KIAA2012: variants seen among roughly 807,000 people sequenced by gnomAD.
KIAA2012 encodes the protein uncharacterized protein KIAA2012.
KIAA2012 carries 125 observed loss-of-function variants against 150.6 expected under a neutral mutation model. The ratio of observed to expected loss-of-function variants is 0.83; its 90% confidence interval spans 0.72 to 0.96. The LOEUF (loss-of-function observed/expected upper bound fraction) is 0.96. KIAA2012 is among the 40% of genes least tolerant of loss of function. KIAA2012 has a pLI of 0.00. For missense variants in KIAA2012, 1,219 were observed against 1,354.9 expected (o/e 0.90, Z 1.57); for synonymous variants, 462 against 504.7 (o/e 0.92, Z 1.13).
At chr2:202,193,234 T>C in intron 19 of KIAA2012, 67 bp from the exon 20 acceptor site, 1 of 1,425,406 alleles carries the variant, frequency 7.0e-7, no homozygotes, top group Non-Finnish European at 9.6e-7. Context: ...CTGTCTGGGG[T>C]GGAGAAGGGC....
In KIAA2012 at chr2:202,121,670, G is replaced by A. The variant is rs80074913; in HGVS notation, c.1763-3544G>A. ...ACTGAAACACAGGGAGCTCACTTAC[G>A]TGGTAAGGGCAGAGCTGGGCTTCAT... On this transcript the variant is annotated intron_variant, in intron 11 of 23. Transcript: ENST00000498697. Among the ~76,000 whole-genome samples the A allele has an allele frequency of 1.0e-3, 158 of 152,292 alleles. 1 individual carries two copies. The highest frequency in any genetic ancestry group is 3.1e-3 in the African/African-American group (127 of 41,552).
rs1692426623 is a variant in KIAA2012 at position 202,196,942 on chromosome 2, G to A, written c.3330G>A (p.Glu1110=). The change falls in exon 22 of 24, where the codon GAG becomes GAA. Residue 1110 remains glutamate, a synonymous_variant. Transcript: ENST00000498697. ...EAEEKARLEA[E]ERRQKEEEAA... ...AAGAGAAGGCTCGGCTGGAGGCAGA[G>A]GAGAGGAGGCAAAAAGAAGAGGAAG... 1.9e-6 allele frequency: 3 copies of A among 1,550,514 alleles called. No individual in the cohort carries two copies. Among genetic ancestry groups the A allele is most frequent in the African/African-American group, 1.4e-5 (1 of 73,024 alleles).
At chr2:202,074,280 G>T (rs1376098443) in intron 1 of KIAA2012, among the ~76,000 whole-genome samples, 2 of 152,050 alleles carry the variant, frequency 1.3e-5, no homozygotes, top group Non-Finnish European at 2.9e-5. Flanking sequence ...AAATTTGGGG[G>T]TCATACAGAG....
chr2:202,180,457 C>G (rs1692096207), intron 15 of KIAA2012, among the ~76,000 whole-genome samples: 1 of 152,122 alleles, frequency 6.6e-6, no homozygotes, highest in Non-Finnish European at 1.5e-5. Flanking sequence ...TCCTGATAAA[C>G]TGCTAAACCC....
intron 13 of KIAA2012, among the ~76,000 whole-genome samples, chr2:202,148,015 A>G (rs1281583675): frequency 3.3e-5 from 5 of 152,180 alleles, no homozygotes; most frequent in Admixed American, 3.3e-4. Flanking sequence ...TTTCTCCTCC[A>G]GCTCCTGCTG....
intron 6 of KIAA2012, 50 bp from the exon 7 acceptor site, chr2:202,100,257 A>G: frequency 6.6e-7 from 1 of 1,519,842 alleles, no homozygotes; most frequent in Non-Finnish European, 8.9e-7. Context: ...TCAACTGTTC[A>G]TCCCCCTACC....
chr2:202,193,100 AAG>A (rs984612861), intron 19 of KIAA2012, among the ~76,000 whole-genome samples, 199 bp from the exon 20 acceptor site: 13 of 152,186 alleles, frequency 8.5e-5, no homozygotes, highest in African/African-American at 1.7e-4. Context: ...CAAAGCAAGT[AAG>A]AGAGAGAGTT....
At chr2:202,144,518 G>A (rs1047497410) in intron 13 of KIAA2012, among the ~76,000 whole-genome samples, 3 of 148,150 alleles carry the variant, frequency 2.0e-5, no homozygotes, top group South Asian at 4.3e-4. Context: ...ACATGCACAC[G>A]AAAAAAAAAC....
intron 14 of KIAA2012, among the ~76,000 whole-genome samples, chr2:202,163,676 T>C (rs1691701503): frequency 6.6e-6 from 1 of 152,176 alleles, no homozygotes; most frequent in Non-Finnish European, 1.5e-5. Context: ...AGAAGAAGCT[T>C]GACTCTCCCT....
At chr2:202,185,439 C>T (rs773695680) in intron 16 of KIAA2012, among the ~76,000 whole-genome samples, 1 of 152,116 alleles carries the variant, frequency 6.6e-6, no homozygotes, top group Non-Finnish European at 1.5e-5. Context: ...CCTGCTGTCA[C>T]CTGCCCAGGG....
intron 15 of KIAA2012, chr2:202,179,298 G>T: frequency 4.2e-6 from 5 of 1,191,774 alleles, no homozygotes; most frequent in Non-Finnish European, 6.1e-6. Context: ...GGTAAAGATG[G>T]CGGAGCGCGG....
At position 202,190,512 on chromosome 2, in the gene KIAA2012, A is replaced by T. The variant is rs1211926103; in HGVS notation, c.2811+19A>T. 2 of 1,457,434 alleles carry T rather than the reference A, an allele frequency of 1.4e-6. No homozygotes were observed. The highest frequency in any genetic ancestry group is 1.8e-6 in the Non-Finnish European group (2 of 1,097,796). 90.3% of individuals were successfully genotyped at this position (1,457,434 alleles called of 1,614,324 possible). A position where few individuals can be genotyped will look rare whatever the true frequency, so the allele number is the denominator to read the frequency against. ...TTCCAAGGTAGGGTCTGATGTCCTCAGCTTGACAGAGGAAGTTCTGTTCTC... is the reference window on the plus strand; with the variant it reads ...TTCCAAGGTAGGGTCTGATGTCCTCTGCTTGACAGAGGAAGTTCTGTTCTC... On this transcript the variant is annotated intron_variant, in intron 19 of 23. Transcript: ENST00000498697.
intron 23 of KIAA2012, among the ~76,000 whole-genome samples, chr2:202,203,959 C>T (rs952349409): frequency 2.0e-5 from 3 of 151,832 alleles, no homozygotes; most frequent in Admixed American, 6.6e-5. Flanking sequence ...TTAGTAGAGA[C>T]GGGGTTTCAC....
intron 12 of KIAA2012, chr2:202,125,687 G>T: frequency 2.8e-6 from 1 of 351,550 alleles, no homozygotes; most frequent in South Asian, 2.2e-5. Flanking sequence ...ATCTGGGAAA[G>T]ACTCAGGCTT....
chr2:202,084,464 A>C (rs1384563966), intron 2 of KIAA2012, among the ~76,000 whole-genome samples: 2 of 152,198 alleles, frequency 1.3e-5, no homozygotes, highest in Non-Finnish European at 2.9e-5. Flanking sequence ...GTCCCTCGTT[A>C]AAGGAAGCAC....
chr2:202,201,793 C>G (rs1278672475), intron 22 of KIAA2012: 2 of 1,302,610 alleles, frequency 1.5e-6, no homozygotes, highest in Non-Finnish European at 2.2e-6. Context: ...TAGGGTAGAG[C>G]CTGAGAAAGA....
rs529691150 is a variant in KIAA2012 at position 202,095,150 on chromosome 2, C to A, written c.685+1965C>A. Among the ~76,000 whole-genome samples the A allele has an allele frequency of 9.9e-5, 15 of 152,168 alleles. No homozygotes were observed. The South Asian group carries it at 1.2e-3, about 13-fold the overall frequency. ...ATACCTCCTTAGCTTGTGTTTTAAG[C>A]ATAATTACTAACTGGAATGCCCAAT... On this transcript the variant is annotated intron_variant, in intron 4 of 23. Coordinates refer to ENST00000498697, the MANE Select transcript of KIAA2012 (RefSeq NM_001277372.4).
At chr2:202,146,100 T>C (rs577817271) in intron 13 of KIAA2012, among the ~76,000 whole-genome samples, 143 of 152,320 alleles carry the variant, frequency 9.4e-4, no homozygotes, top group Non-Finnish European at 1.8e-3. Context: ...TTATTATCCC[T>C]GTTTACAGAT....
intron 13 of KIAA2012, among the ~76,000 whole-genome samples, chr2:202,150,843 C>T (rs1396259027): frequency 1.3e-5 from 2 of 152,190 alleles, no homozygotes; most frequent in East Asian, 3.8e-4. Flanking sequence ...CCCCCATTTT[C>T]CTTCCCTTCC....
Sources: allele counts gnomAD v4.1 joint callset (sites outside exome capture counted in the v4.1 genomes callset), GRCh38; gene constraint gnomAD v4.1.1; transcripts MANE v1.5; gene names NCBI Gene and HGNC (gene_info 2026-07-23, HGNC 2026-07-21).